The following USP37 variants were observed in gnomAD, a reference collection of about 807,000 sequenced individuals.
USP37 encodes the protein ubiquitin carboxyl-terminal hydrolase 37.
A neutral mutation model predicts 124.0 loss-of-function variants in USP37; 27 were observed. That is an observed-to-expected ratio of 0.22 (90% CI 0.16 to 0.30). USP37 has a LOEUF of 0.30. USP37 is among the 10% of genes least tolerant of loss of function. The pLI is 1.00. For synonymous variants in USP37, 365 were observed against 388.0 expected (o/e 0.94, Z 0.70); for missense variants, 889 against 1,140.4 (o/e 0.78, Z 3.17).
intron 2 of USP37, 35 bp from the exon 3 acceptor site, chr2:218,560,918 G>GA (rs1693272293): frequency 1.3e-5 from 2 of 152,160 alleles, no homozygotes; most frequent in African/African-American, 2.4e-5. Context: ...AAACACTTTC[G>GA]AGAGTTTAAA....
chr2:218,522,176 C>T (rs832802), intron 10 of USP37, among the ~76,000 whole-genome samples: 91,829 of 151,606 alleles, frequency 0.61, 28,003 homozygotes, highest in East Asian at 0.78. Context: ...CCACACCGCA[C>T]CAACATTAAG....
At chr2:218,468,799 T>C (rs1010528871) in intron 20 of USP37, among the ~76,000 whole-genome samples, 2 of 152,066 alleles carry the variant, frequency 1.3e-5, no homozygotes, top group Admixed American at 1.3e-4. Context: ...GTTCAAGAGA[T>C]TCTTATGCCT....
At chr2:218,506,600 T>C (rs1689693675) in intron 11 of USP37, among the ~76,000 whole-genome samples, 1 of 140,918 alleles carries the variant, frequency 7.1e-6, no homozygotes, top group African/African-American at 2.5e-5. Context: ...TGGCTTTTTA[T>C]ACTTCTTTTT....
chr2:218,558,429 A>T, intron 4 of USP37, 69 bp downstream of exon 4: 1 of 1,441,900 alleles, frequency 6.9e-7, no homozygotes, highest in Non-Finnish European at 9.4e-7. Context: ...GATGTTTACT[A>T]TGGCACAGAA....
At chr2:218,524,945 T>A (rs966186373) in intron 10 of USP37, among the ~76,000 whole-genome samples, 2 of 152,142 alleles carry the variant, frequency 1.3e-5, no homozygotes, top group African/African-American at 4.8e-5. Flanking sequence ...TGGTTATGTC[T>A]CAAAAGGGAA....
intron 7 of USP37, 83 bp from the exon 8 acceptor site, chr2:218,546,381 G>A (rs370055966): frequency 1.1e-6 from 1 of 898,022 alleles, no homozygotes; most frequent in Non-Finnish European, 1.7e-6. Context: ...CTGAAGGACA[G>A]GAAATGGGAC....
rs764699247 is a variant in USP37 at position 218,534,713 on chromosome 2, T to C, written c.681-7A>G. On this transcript the variant is annotated splice_polypyrimidine_tract_variant and splice_region_variant and intron_variant, in intron 8 of 25. Coordinates refer to ENST00000258399, the MANE Select transcript of USP37 (RefSeq NM_020935.3). ...TGTCATGGCCTTGTTGTTCCTATAG[T>C]TAATAATTTTACATCAATATAGTAC... The C allele has an allele frequency of 1.3e-6, 2 of 1,567,820 alleles. No individual in the cohort carries two copies. The highest frequency in any genetic ancestry group is 2.3e-5 in the South Asian group (2 of 85,278).
chr2:218,468,551 G>A (rs1223848050), intron 20 of USP37, among the ~76,000 whole-genome samples: 3 of 152,060 alleles, frequency 2.0e-5, no homozygotes, highest in East Asian at 1.9e-4. Flanking sequence ...AAATACAAGC[G>A]TTAACTATAT....
chr2:218,567,903 G>A (rs1353075074), intron 1 of USP37, among the ~76,000 whole-genome samples: 1 of 152,172 alleles, frequency 6.6e-6, no homozygotes, highest in Non-Finnish European at 1.5e-5. Context: ...TAGAAGGTAA[G>A]AGGCGAACGA....
intron 4 of USP37, among the ~76,000 whole-genome samples, chr2:218,555,839 C>T (rs972809259): frequency 7.9e-5 from 12 of 152,118 alleles, no homozygotes; most frequent in African/African-American, 2.9e-4. Flanking sequence ...TCATGGAAGA[C>T]ATAAAAGTGA....
At chr2:218,494,742 G>A (rs1688980442) in intron 14 of USP37, among the ~76,000 whole-genome samples, 1 of 152,256 alleles carries the variant, frequency 6.6e-6, no homozygotes, top group South Asian at 2.1e-4. Context: ...CAGATGACTG[G>A]AAGATTAGTC....
chr2:218,534,591 G>A lies in USP37; in HGVS notation c.778+18C>T, dbSNP rs746114178. On this transcript the variant is annotated intron_variant, in intron 9 of 25. Transcript: ENST00000258399. ...ATAATAAATGAGCACCTTATTTATTGTAAGATCAAACACTTACCTGATGTC... is the reference window on the plus strand; with the variant it reads ...ATAATAAATGAGCACCTTATTTATTATAAGATCAAACACTTACCTGATGTC... The A allele has an allele frequency of 1.3e-6, 2 of 1,505,622 alleles. No individual in the cohort carries two copies. Among genetic ancestry groups the A allele is most frequent in the Admixed American group, 2.0e-5 (1 of 49,476 alleles). 93.3% of individuals were successfully genotyped at this position (1,505,622 alleles called of 1,614,324 possible).
At chr2:218,459,715 T>C (rs1689903359) in intron 23 of USP37, 75 bp downstream of exon 23, 1 of 1,274,796 alleles carries the variant, frequency 7.8e-7, no homozygotes, top group South Asian at 1.4e-5. Context: ...ACACTGAAAG[T>C]GGGGCCTTTG....
At chr2:218,463,582 C>G (rs1353415723) in intron 21 of USP37, among the ~76,000 whole-genome samples, 2 of 138,700 alleles carry the variant, frequency 1.4e-5, no homozygotes, top group Non-Finnish European at 3.0e-5. Context: ...GTCCCCCAGG[C>G]TGGAGTGCAG....
In USP37 at chr2:218,485,836, T is replaced by C. The variant is rs1691531369; in HGVS notation, c.1591-93A>G. ...GCTCTAGTCTTATTAGTTCCATTAG[T>C]GGAATGACAACTCTGAACCAGTTTT... is the stretch of plus-strand genomic sequence containing the variant. On this transcript the variant is annotated intron_variant, in intron 15 of 25. Coordinates refer to ENST00000258399, the MANE Select transcript of USP37 (RefSeq NM_020935.3). 2.2e-6 allele frequency: 3 copies of C among 1,361,302 alleles called. No homozygotes were observed. The South Asian group carries it at 4.0e-5, about 18-fold the overall frequency. 84.3% of individuals were successfully genotyped at this position (1,361,302 alleles called of 1,614,324 possible).
intron 16 of USP37, among the ~76,000 whole-genome samples, chr2:218,482,752 T>C (rs1691331060): frequency 6.6e-6 from 1 of 152,206 alleles, no homozygotes; most frequent in Non-Finnish European, 1.5e-5. Flanking sequence ...TACAAAACTT[T>C]TCCCCATTTA....
intron 8 of USP37, among the ~76,000 whole-genome samples, chr2:218,545,873 T>C (rs1398036872): frequency 7.2e-6 from 1 of 138,658 alleles, no homozygotes; most frequent in Admixed American, 6.9e-5. Flanking sequence ...AAGTAAAAAT[T>C]TTTTTTTTAA....
intron 11 of USP37, among the ~76,000 whole-genome samples, chr2:218,502,275 T>C (rs1483137576): frequency 6.6e-6 from 1 of 152,092 alleles, no homozygotes; most frequent in East Asian, 1.9e-4. Context: ...AAGTGAAAGA[T>C]TTTTTAAAGA....
At position 218,495,810 on chromosome 2, in the gene USP37, A is replaced by G. The variant is rs1689051829; in HGVS notation, c.1422T>C (p.Pro474=). The G allele has an allele frequency of 6.2e-7, 1 of 1,613,630 alleles. No homozygotes were observed. ...CCTCAAACTCCAAATTAGTAATAAC[A>G]GGGCAAGTGTATGCTCTGGTAGCTG... ...DISATRAYTC[P]VITNLEFEVQ... The change falls in exon 14 of 26, where the codon CCT becomes CCC. Residue 474 remains proline, a synonymous_variant. Coordinates refer to ENST00000258399, the MANE Select transcript of USP37 (RefSeq NM_020935.3).
Sources: allele counts gnomAD v4.1 joint callset (sites outside exome capture counted in the v4.1 genomes callset), GRCh38; gene constraint gnomAD v4.1.1; transcripts MANE v1.5; gene names NCBI Gene and HGNC (gene_info 2026-07-23, HGNC 2026-07-21).